The following RFX3 variants were observed in gnomAD, a reference collection of about 807,000 sequenced individuals.
RFX3 encodes the protein transcription factor RFX3.
In RFX3, 14 loss-of-function variants were observed where a neutral mutation model predicts 98.6. That is an observed-to-expected ratio of 0.14 (90% CI 0.09 to 0.22). RFX3 has a LOEUF of 0.22. Among genes scored for constraint, RFX3 ranks in the 10% least tolerant of loss-of-function variants. The pLI, the probability that RFX3 is intolerant of heterozygous loss-of-function variation, is 1.00. For missense variants in RFX3, 639 were observed against 926.9 expected, an observed-to-expected ratio of 0.69 and a Z score of 4.03; for synonymous variants, 383 against 328.4, an observed-to-expected ratio of 1.17 and a Z score of -1.80.
In RFX3 at chr9:3,447,533, G is replaced by A. The variant is rs572189835; in HGVS notation, c.-8-51937C>T. Reference sequence around the variant, plus strand: ...GAACACAGGATATACAATTTGTTTCGATTTTTTTCTTTTACTATTTTCAAC... The same window carrying A: ...GAACACAGGATATACAATTTGTTTCAATTTTTTTCTTTTACTATTTTCAAC... On this transcript the variant is annotated intron_variant, in intron 1 of 16. Transcript: ENST00000617270. Among the ~76,000 whole-genome samples the A allele has an allele frequency of 9.9e-5, 15 of 152,064 alleles. No individual in the cohort carries two copies. The East Asian group carries it at 1.5e-3, about 16-fold the overall frequency.
intron 4 of RFX3, among the ~76,000 whole-genome samples, chr9:3,306,111 G>A (rs1829284939): frequency 6.6e-6 from 1 of 152,086 alleles, no homozygotes; most frequent in African/African-American, 2.4e-5. Context: ...GGTAGGAAAT[G>A]ATGATCAGTT....
intron 5 of RFX3, among the ~76,000 whole-genome samples, 179 bp from the exon 6 acceptor site, chr9:3,293,437 T>C (rs1397391547): frequency 6.6e-6 from 1 of 152,176 alleles, no homozygotes; most frequent in Non-Finnish European, 1.5e-5. Context: ...AGAAACACTG[T>C]AAATAGCTGA....
chr9:3,467,126 G>A (rs191566836), intron 1 of RFX3, among the ~76,000 whole-genome samples: 18,031 of 123,122 alleles, frequency 0.15, 2,366 homozygotes, highest in African/African-American at 0.39. Context: ...ATACATATAT[G>A]TAAGTATATA....
At chr9:3,300,593 T>G (rs1171887656) in intron 5 of RFX3, among the ~76,000 whole-genome samples, 1 of 151,838 alleles carries the variant, frequency 6.6e-6, no homozygotes, top group Admixed American at 6.6e-5. Flanking sequence ...GCTTTTCAGT[T>G]ATAAAATATG....
intron 1 of RFX3, among the ~76,000 whole-genome samples, chr9:3,462,330 G>C (rs1225959834): frequency 6.6e-6 from 1 of 151,922 alleles, no homozygotes; most frequent in Non-Finnish European, 1.5e-5. Flanking sequence ...AAAAGTATAA[G>C]GTCATCTCAA....
intron 1 of RFX3, among the ~76,000 whole-genome samples, chr9:3,460,357 T>C (rs1446159893): frequency 6.6e-6 from 1 of 152,016 alleles, no homozygotes; most frequent in African/African-American, 2.4e-5. Context: ...ACACAAATCC[T>C]CTTACACCTC....
chr9:3,329,422 AAAAAAAC>A (rs1832323466), intron 4 of RFX3, among the ~76,000 whole-genome samples: 2 of 150,068 alleles, frequency 1.3e-5, no homozygotes, highest in Non-Finnish European at 3.0e-5. Context: ...AAAAAAAAAA[AAAAAAAC>A]AAAAAACCAC....
intron 1 of RFX3, among the ~76,000 whole-genome samples, chr9:3,458,844 A>G (rs1197455865): frequency 3.3e-5 from 5 of 152,222 alleles, no homozygotes; most frequent in Admixed American, 1.3e-4. Context: ...CTTTGGTAGT[A>G]GAAGAAAGTG....
At chr9:3,303,803 A>G (rs1828951522) in intron 4 of RFX3, among the ~76,000 whole-genome samples, 1 of 152,018 alleles carries the variant, frequency 6.6e-6, no homozygotes, top group Admixed American at 6.6e-5. Context: ...GTGCAAGGAA[A>G]TATGTGGGTG....
intron 1 of RFX3, among the ~76,000 whole-genome samples, chr9:3,478,642 T>C (rs760782282): frequency 6.6e-6 from 1 of 152,174 alleles, no homozygotes; most frequent in East Asian, 1.9e-4. Context: ...GCTTACACAG[T>C]GCCTCAAGAT....
intron 1 of RFX3, among the ~76,000 whole-genome samples, chr9:3,397,354 T>G (rs1841000892): frequency 6.6e-6 from 1 of 152,236 alleles, no homozygotes; most frequent in African/African-American, 2.4e-5. Context: ...CACTGCATCA[T>G]AGTTTAAATC....
At chr9:3,405,411 A>C (rs1220972801) in intron 1 of RFX3, among the ~76,000 whole-genome samples, 1 of 152,160 alleles carries the variant, frequency 6.6e-6, no homozygotes, top group Non-Finnish European at 1.5e-5. Flanking sequence ...TTAACTACCC[A>C]TTGAATCTCT....
At chr9:3,500,738 G>C (rs1380161273) in intron 1 of RFX3, among the ~76,000 whole-genome samples, 4 of 152,048 alleles carry the variant, frequency 2.6e-5, no homozygotes, top group Non-Finnish European at 5.9e-5. Context: ...ACACACACTA[G>C]TCAATAAAGT....
At chr9:3,459,116 C>T (rs1018475507) in intron 1 of RFX3, among the ~76,000 whole-genome samples, 2 of 152,114 alleles carry the variant, frequency 1.3e-5, no homozygotes, top group Admixed American at 1.3e-4. Flanking sequence ...GGAATAAACT[C>T]ATACGCACCC....
chr9:3,432,026 C>A (rs1210595144), intron 1 of RFX3, among the ~76,000 whole-genome samples: 1 of 151,982 alleles, frequency 6.6e-6, no homozygotes, highest in Non-Finnish European at 1.5e-5. Context: ...AAATCTGTTC[C>A]CCAAGCCATG....
chr9:3,392,830 T>C (rs1257608355), intron 2 of RFX3, among the ~76,000 whole-genome samples: 1 of 152,076 alleles, frequency 6.6e-6, no homozygotes, highest in East Asian at 1.9e-4. Context: ...TCATTAAATC[T>C]AAGAAAAATA....
intron 1 of RFX3, among the ~76,000 whole-genome samples, chr9:3,453,895 C>T (rs972109136): frequency 2.6e-5 from 4 of 151,800 alleles, no homozygotes; most frequent in African/African-American, 4.8e-5. Flanking sequence ...AAATATACCC[C>T]GGTCTTTTTG....
intron 15 of RFX3, chr9:3,247,213 C>G (rs1820795348): frequency 2.0e-6 from 2 of 985,208 alleles, no homozygotes; most frequent in South Asian, 9.4e-5. Context: ...GCTGAACCAT[C>G]TGAGCATTTG....
chr9:3,227,887 T>A (rs1438514924), intron 16 of RFX3, among the ~76,000 whole-genome samples: 2 of 152,210 alleles, frequency 1.3e-5, no homozygotes, highest in East Asian at 1.9e-4. Context: ...TTGCACACTT[T>A]GGCGAATAGC....
Sources: allele counts gnomAD v4.1 joint callset (sites outside exome capture counted in the v4.1 genomes callset), GRCh38; gene constraint gnomAD v4.1.1; transcripts MANE v1.5; gene names NCBI Gene and HGNC (gene_info 2026-07-23, HGNC 2026-07-21).